Variants in CAPN2 observed in about 807,000 individuals in gnomAD.
CAPN2 encodes the protein calpain 2.
Under a neutral mutation model 102.3 loss-of-function variants are expected in CAPN2, and 92 were observed. That is an observed-to-expected ratio of 0.90 (90% CI 0.76 to 1.07). CAPN2 has a LOEUF of 1.07. Among genes scored for constraint, CAPN2 ranks in the 50% least tolerant of loss-of-function variants. CAPN2 has a pLI of 0.00. For synonymous variants in CAPN2, 340 were observed against 355.4 expected, an observed-to-expected ratio of 0.96 and a Z score of 0.49; for missense variants, 800 against 909.4, an observed-to-expected ratio of 0.88 and a Z score of 1.55.
At chr1:223,709,192 G>T (rs958810475), upstream of CAPN2, among the ~76,000 whole-genome samples, 3 of 152,136 alleles carry the variant, frequency 2.0e-5, no homozygotes, top group African/African-American at 7.2e-5. Flanking sequence ...GCAGCATTCA[G>T]GGATCTGTAG....
intron 16 of CAPN2, among the ~76,000 whole-genome samples, chr1:223,766,805 C>CA (rs1311901981): frequency 6.6e-6 from 1 of 152,004 alleles, no homozygotes; most frequent in Non-Finnish European, 1.5e-5. Flanking sequence ...ACTAAAAATA[C>CA]AAAAATTAGC....
intron 16 of CAPN2, 99 bp downstream of exon 16, chr1:223,766,530 C>T: frequency 1.1e-6 from 1 of 945,374 alleles, no homozygotes; most frequent in Non-Finnish European, 1.7e-6. Context: ...TCAAAATAGC[C>T]AGTTGTTCCC....
In CAPN2 at chr1:223,749,019, G is replaced by T. The variant is rs1243551037; in HGVS notation, c.730-20G>T. 6 of 1,610,814 alleles carry T rather than the reference G, an allele frequency of 3.7e-6. No individual in the cohort carries two copies. Among genetic ancestry groups the T allele is most frequent in the Admixed American group, 1.7e-5 (1 of 60,002 alleles). Reference sequence around the variant, plus strand: ...AAGGGAGAGCGGGTGCGGCCAGTCTGACGGTTGCTGTGTTTGCAGATCACC... The same window carrying T: ...AAGGGAGAGCGGGTGCGGCCAGTCTTACGGTTGCTGTGTTTGCAGATCACC... On this transcript the variant is annotated intron_variant, in intron 5 of 20. Coordinates refer to ENST00000295006, the MANE Select transcript of CAPN2 (RefSeq NM_001748.5).
chr1:223,741,438 GTGTATATATA>G (rs1660611200), intron 2 of CAPN2, among the ~76,000 whole-genome samples: 1 of 83,268 alleles, frequency 1.2e-5, no homozygotes, highest in African/African-American at 1.1e-4. Context: ...TATATATAAT[GTGTATATATA>G]TATATATATA....
chr1:223,742,500 A>G (rs1222139), intron 2 of CAPN2, among the ~76,000 whole-genome samples: 40,304 of 91,526 alleles, frequency 0.44, 6,972 homozygotes, highest in Non-Finnish European at 0.51. Context: ...ATATGTGTGT[A>G]TATATATATA....
intron 6 of CAPN2, 112 bp from the exon 7 acceptor site, chr1:223,750,778 C>G: frequency 2.1e-6 from 2 of 945,762 alleles, no homozygotes; most frequent in Non-Finnish European, 3.3e-6. Context: ...TCCTCCCCAC[C>G]GTCCTCAGCC....
At chr1:223,714,621 T>A (rs371716402) in intron 1 of CAPN2, among the ~76,000 whole-genome samples, 308 of 130,856 alleles carry the variant, frequency 2.4e-3, no homozygotes, top group Non-Finnish European at 3.0e-3. Flanking sequence ...TATAAAAAAG[T>A]AAAAAAAAAA....
At chr1:223,701,868 G>A (rs1203693065) in intron 1 of CAPN2, 2 of 150,518 alleles carry the variant, frequency 1.3e-5, no homozygotes, top group Non-Finnish European at 1.5e-5. Context: ...TTAGCCAGGT[G>A]TGGTGGTGCA....
In CAPN2 at chr1:223,768,034, GTTGT is replaced by G. The variant is rs879743118; in HGVS notation, c.1755+1610_1755+1613del. Among the ~76,000 whole-genome samples the G allele has an allele frequency of 5.6e-3, 849 of 151,190 alleles. 21 individuals carry two copies. The highest frequency in any genetic ancestry group is 0.045 in the Admixed American group (686 of 15,142). On this transcript the variant is annotated intron_variant, in intron 16 of 20. Coordinates refer to ENST00000295006, the MANE Select transcript of CAPN2 (RefSeq NM_001748.5). ...TGTCCTTTGCCCACTTTTTGATGGGGTTGTTTGTTTTTTTCTTGTAAATTTGTTG... is the reference window on the plus strand; with the variant it reads ...TGTCCTTTGCCCACTTTTTGATGGGGTTGTTTTTTTCTTGTAAATTTGTTG...
At chr1:223,761,452 C>G (rs909921341) in intron 12 of CAPN2, 129 bp from the exon 13 acceptor site, 3 of 601,422 alleles carry the variant, frequency 5.0e-6, no homozygotes, top group Middle Eastern at 3.4e-4. Flanking sequence ...GACCTCCCCC[C>G]ACCGCAGCCC....
At chr1:223,757,711 AC>A (rs1661072121) in intron 11 of CAPN2, 1 of 408,244 alleles carries the variant, frequency 2.4e-6, no homozygotes, top group South Asian at 4.7e-5. Context: ...TTAGGAGAAG[AC>A]TGAGTCAGGG....
chr1:223,748,022 A>G (rs1571804360), intron 5 of CAPN2, among the ~76,000 whole-genome samples: 1 of 150,848 alleles, frequency 6.6e-6, no homozygotes. Context: ...AATCACCCCC[A>G]CCCCTCTGAC....
At chr1:223,748,869 G>A (rs1660815281) in intron 5 of CAPN2, among the ~76,000 whole-genome samples, 170 bp from the exon 6 acceptor site, 1 of 152,228 alleles carries the variant, frequency 6.6e-6, no homozygotes, top group Non-Finnish European at 1.5e-5. Context: ...AACGGGGTAG[G>A]AAAGGTTCTC....
intron 2 of CAPN2, among the ~76,000 whole-genome samples, chr1:223,742,091 A>G (rs576731323): frequency 1.3e-5 from 2 of 152,350 alleles, no homozygotes; most frequent in East Asian, 3.9e-4. Flanking sequence ...ACTAGAATTC[A>G]AAGAATTCAG....
rs778542593 is a variant in CAPN2, at chr1:223,766,398, C to G, written c.1722C>G (p.Ile574Met). The change falls in exon 16 of 21, where the codon ATC becomes ATG. Residue 574 changes from isoleucine (I) to methionine (M), a missense_variant. Coordinates refer to ENST00000295006, the MANE Select transcript of CAPN2 (RefSeq NM_001748.5). ...RQDIKSDGFS[I>M]ETCKIMVDML... is the part of the protein sequence containing the mutation. ...ATATCAAGTCAGATGGCTTCAGCAT[C>G]GAGACATGCAAAATTATGGTTGACA... 8 of 1,613,864 alleles carry G rather than the reference C, an allele frequency of 5.0e-6. No individual in the cohort carries two copies. The highest frequency in any genetic ancestry group is 6.8e-6 in the Non-Finnish European group (8 of 1,179,728).
Position 223,755,506 on chromosome 1 carries a change from CTGA to C in CAPN2, c.1164_1166del (p.Ile389del). The C allele has an allele frequency of 1.9e-6, 3 of 1,614,102 alleles. No individual in the cohort carries two copies. The highest frequency in any genetic ancestry group is 1.7e-6 in the Non-Finnish European group (2 of 1,180,014). On this transcript the variant is annotated inframe_deletion, in exon 10 of 21. Coordinates refer to ENST00000295006, the MANE Select transcript of CAPN2 (RefSeq NM_001748.5). This position sits in a 1 kb window ranked among gnomAD's most constrained non-coding sequence, Gnocchi z 4.1. ...CACATTCTGGATGAACCCTCAGTAC[CTGA>C]TCAAGCTGGAGGAGGAGGATGAGGA... is the stretch of plus-strand genomic sequence containing the variant.
intron 2 of CAPN2, among the ~76,000 whole-genome samples, chr1:223,732,446 A>C (rs1280126395): frequency 2.6e-5 from 4 of 152,168 alleles, no homozygotes; most frequent in Non-Finnish European, 5.9e-5. Context: ...TTTTTAGATC[A>C]CGTAGGGTAA....
At chr1:223,746,917 G>A (rs971772488) in intron 4 of CAPN2, 80 bp from the exon 5 acceptor site, 26 of 1,239,860 alleles carry the variant, frequency 2.1e-5, no homozygotes, top group Non-Finnish European at 2.4e-5. Flanking sequence ...AAATCTAGAC[G>A]GTACTAGGGG....
At chr1:223,716,349 C>T (rs1187691245) in intron 1 of CAPN2, among the ~76,000 whole-genome samples, 3 of 152,208 alleles carry the variant, frequency 2.0e-5, no homozygotes, top group Non-Finnish European at 1.5e-5. Flanking sequence ...AATAAACAGG[C>T]TCCCAGCACC....
Sources: gnomAD v4.1 joint callset for allele counts (sites outside exome capture counted in the v4.1 genomes callset) on GRCh38, gnomAD v4.1.1 for gene constraint, Gnocchi (gnomAD v3.1) non-coding constraint, MANE v1.5 for transcripts, NCBI Gene and HGNC (gene_info 2026-07-23, HGNC 2026-07-21) for gene names.